Variants in THSD4 observed in about 807,000 individuals in gnomAD.
The protein encoded by THSD4 is thrombospondin type 1 domain containing 4, also known as thrombospondin type-1 domain-containing protein 4.
A neutral mutation model predicts 119.0 loss-of-function variants in THSD4; 69 were observed. The ratio of observed to expected loss-of-function variants is 0.58; its 90% CI spans 0.48 to 0.71. THSD4 has a LOEUF of 0.71. THSD4 is among the 30% of genes least tolerant of loss of function. The pLI, the probability that THSD4 is intolerant of heterozygous loss-of-function variation, is 0.00. For missense variants in THSD4, 1,393 were observed against 1,391.1 expected (o/e 1.00, Z -0.02); for synonymous variants, 524 against 540.4 (o/e 0.97, Z 0.42).
intron 6 of THSD4, among the ~76,000 whole-genome samples, chr15:71,315,067 A>G (rs1202736563): frequency 1.3e-5 from 2 of 152,126 alleles, no homozygotes; most frequent in African/African-American, 2.4e-5. Flanking sequence ...GACCTCTGCA[A>G]TCAGGAATAT....
At chr15:71,356,362 A>G (rs2045810802) in intron 6 of THSD4, among the ~76,000 whole-genome samples, 1 of 152,094 alleles carries the variant, frequency 6.6e-6, no homozygotes, top group African/African-American at 2.4e-5. Flanking sequence ...CACACTTATG[A>G]CACACTTATT....
intron 6 of THSD4, among the ~76,000 whole-genome samples, chr15:71,291,785 A>T (rs918920211): frequency 6.6e-6 from 1 of 151,986 alleles, no homozygotes; most frequent in Non-Finnish European, 1.5e-5. Flanking sequence ...ACATCTATCC[A>T]TTTTTCTGAG....
At chr15:71,608,430 A>G (rs1484186428) in intron 7 of THSD4, among the ~76,000 whole-genome samples, 1 of 152,176 alleles carries the variant, frequency 6.6e-6, no homozygotes, top group East Asian at 1.9e-4. Flanking sequence ...CCACATTATT[A>G]CAAATTCTCT....
At chr15:71,307,690 C>T (rs2045049933) in intron 6 of THSD4, among the ~76,000 whole-genome samples, 1 of 152,142 alleles carries the variant, frequency 6.6e-6, no homozygotes, top group Non-Finnish European at 1.5e-5. Context: ...ATTGCTTGAA[C>T]CTGGGAGGTG....
chr15:71,734,667 C>T (rs893098971), intron 10 of THSD4, among the ~76,000 whole-genome samples: 1 of 152,010 alleles, frequency 6.6e-6, no homozygotes, highest in Non-Finnish European at 1.5e-5. Context: ...ATGACATGTC[C>T]GTGTAGGGTC....
intron 6 of THSD4, among the ~76,000 whole-genome samples, chr15:71,392,155 CTGGGGA>C (rs2046387500): frequency 2.6e-5 from 4 of 152,220 alleles, no homozygotes; most frequent in Admixed American, 2.6e-4. Context: ...CTTGAGACCA[CTGGGGA>C]CTACTGCCCA....
chr15:71,611,448 C>T (rs1430619143), intron 7 of THSD4, among the ~76,000 whole-genome samples: 1 of 152,222 alleles, frequency 6.6e-6, no homozygotes, highest in African/African-American at 2.4e-5. Context: ...AACCCCTATG[C>T]TAATTCTCAC....
At chr15:71,663,969 C>T (rs2051362297) in intron 8 of THSD4, among the ~76,000 whole-genome samples, 1 of 151,966 alleles carries the variant, frequency 6.6e-6, no homozygotes, top group Non-Finnish European at 1.5e-5. Flanking sequence ...TGTATCATTG[C>T]TTTCAAGATT....
chr15:71,494,265 AT>A (rs1457013287), intron 7 of THSD4, among the ~76,000 whole-genome samples: 2 of 152,162 alleles, frequency 1.3e-5, no homozygotes, highest in African/African-American at 4.8e-5. Flanking sequence ...TTATAATAAA[AT>A]AGGTGAATAC....
intron 14 of THSD4, 117 bp downstream of exon 14, chr15:71,748,711 A>C (rs992433973): frequency 7.7e-7 from 1 of 1,293,350 alleles, no homozygotes; most frequent in Non-Finnish European, 1.0e-6. Context: ...TCTGGGGGGA[A>C]AAAAAAGGCC....
At chr15:71,518,335 G>A (rs1304881155) in intron 7 of THSD4, among the ~76,000 whole-genome samples, 1 of 151,974 alleles carries the variant, frequency 6.6e-6, no homozygotes, top group Non-Finnish European at 1.5e-5. Flanking sequence ...TTAAATATGG[G>A]ATCCACTATT....
intron 7 of THSD4, among the ~76,000 whole-genome samples, chr15:71,517,414 C>G (rs902618738): frequency 3.3e-5 from 5 of 152,200 alleles, no homozygotes; most frequent in South Asian, 4.1e-4. Flanking sequence ...CACTTTCATT[C>G]TAGCCCTCAG....
At chr15:71,676,425 G>A (rs552569458) in intron 8 of THSD4, among the ~76,000 whole-genome samples, 2 of 152,192 alleles carry the variant, frequency 1.3e-5, no homozygotes, top group African/African-American at 4.8e-5. Context: ...GGGACTACAG[G>A]CATGCACCAC....
chr15:71,532,283 AGTGTGTGTGTGTGTGTGT>A (rs1210856261), intron 7 of THSD4, among the ~76,000 whole-genome samples: 6 of 101,572 alleles, frequency 5.9e-5, no homozygotes, highest in Admixed American at 1.1e-4. Context: ...AGAGAGAGAG[AGTGTGTGTGTGTGTGTGT>A]GTGTGTGTGT....
At chr15:71,652,747 T>C (rs116344504) in intron 7 of THSD4, among the ~76,000 whole-genome samples, 1,798 of 152,316 alleles carry the variant, frequency 0.012, 42 homozygotes, top group African/African-American at 0.041. Flanking sequence ...GCTATCCTAT[T>C]ATGAACTAGG....
intron 17 of THSD4, among the ~76,000 whole-genome samples, chr15:71,773,491 A>C (rs1043453064): frequency 6.6e-6 from 1 of 152,222 alleles, no homozygotes; most frequent in African/African-American, 2.4e-5. Flanking sequence ...GTATCTTTTC[A>C]AGCAGGGGAA....
At chr15:71,450,976 G>A (rs1347516148) in intron 7 of THSD4, among the ~76,000 whole-genome samples, 1 of 152,178 alleles carries the variant, frequency 6.6e-6, no homozygotes, top group African/African-American at 2.4e-5. Context: ...TCAGGAGTTT[G>A]AGACCAGCCT....
At chr15:71,166,675 A>T (rs1373052169) in intron 3 of THSD4, among the ~76,000 whole-genome samples, 1 of 151,976 alleles carries the variant, frequency 6.6e-6, no homozygotes, top group South Asian at 2.1e-4. Flanking sequence ...GCTCTATAGA[A>T]ATTTTGTTGC....
rs146691079 is a variant in THSD4 at position 71,460,424 on chromosome 15, A to G, written c.1152+48601A>G. Among the ~76,000 whole-genome samples, 889 of 151,010 alleles carry G rather than the reference A, an allele frequency of 5.9e-3. 8 individuals are homozygous for G. Among genetic ancestry groups the G allele is most frequent in the Admixed American group, 0.011 (164 of 15,052 alleles). ...ATGCCTGTCCTCCCCAAATTAATGG[A>G]TCAGTGTACATTCCACCTTGAATTT... is the stretch of plus-strand genomic sequence containing the variant. On this transcript the variant is annotated intron_variant, in intron 7 of 17. Transcript: ENST00000261862.
Sources: gnomAD v4.1 joint callset for allele counts (sites outside exome capture counted in the v4.1 genomes callset) on GRCh38, gnomAD v4.1.1 for gene constraint, MANE v1.5 for transcripts, NCBI Gene and HGNC (gene_info 2026-07-23, HGNC 2026-07-21) for gene names.